Variants in NEK9 observed in about 807,000 individuals in gnomAD.
NEK9 encodes NIMA related kinase 9, also known as serine/threonine-protein kinase Nek9.
A neutral mutation model predicts 123.4 loss-of-function variants in NEK9; 75 were observed. The ratio of observed to expected loss-of-function variants is 0.61; its 90% confidence interval spans 0.50 to 0.74. The LOEUF (loss-of-function observed/expected upper bound fraction) is 0.74, where lower values mean the gene tolerates loss of function less well. Ranked by LOEUF, NEK9 falls within the 30% of genes least tolerant of loss-of-function variation. The pLI is 0.00. For synonymous variants in NEK9, 438 were observed against 458.7 expected (o/e 0.95, Z 0.58); for missense variants, 952 against 1,214.4 (o/e 0.78, Z 3.21).
intron 3 of NEK9, chr14:75,120,909 G>A (rs946497611): frequency 1.5e-6 from 1 of 654,354 alleles, no homozygotes; most frequent in Non-Finnish European, 2.8e-6. Flanking sequence ...AAAGCCCACA[G>A]AGAATCATGA....
At chr14:75,092,489 A>G (rs923274203) in intron 18 of NEK9, among the ~76,000 whole-genome samples, 1 of 147,240 alleles carries the variant, frequency 6.8e-6, no homozygotes, top group East Asian at 2.0e-4. Flanking sequence ...CTGGCCTTGA[A>G]TTCCTGACCT....
In NEK9 at chr14:75,124,064, C is replaced by T. The variant is rs767033306; in HGVS notation, c.379G>A (p.Glu127Lys). The T allele has an allele frequency of 6.8e-6, 11 of 1,612,554 alleles. No homozygotes were observed. Among genetic ancestry groups the T allele is most frequent in the Non-Finnish European group, 9.3e-6 (11 of 1,178,798 alleles). The change falls in exon 2 of 22, where the codon GAG (glutamate) becomes AAG (lysine). Residue 127 changes from glutamate (E) to lysine (K), a missense_variant. This residue lies in a region of NEK9 where 106 missense variants were observed against 153.0 expected (regional missense o/e 0.69). Coordinates refer to ENST00000238616, the MANE Select transcript of NEK9 (RefSeq NM_033116.6). The stretch of plus-strand genomic sequence containing the variant: ...ATCTTACCATTACAATATTCCAGCT[C>T]AATCAGCAGCGTGGTATTGTCCATG... ...HFMDNTTLLI[E>K]LEYCNGGNLY...
chr14:75,113,994 CACTT>C (rs1221159387), intron 7 of NEK9, among the ~76,000 whole-genome samples: 1 of 152,176 alleles, frequency 6.6e-6, no homozygotes, highest in African/African-American at 2.4e-5. Flanking sequence ...CACAAACTAA[CACTT>C]ACAAAACAGA....
chr14:75,101,628 G>T (rs1284230553), intron 15 of NEK9, 29 bp downstream of exon 15: 8 of 1,461,130 alleles, frequency 5.5e-6, no homozygotes, highest in African/African-American at 2.8e-5. Flanking sequence ...AGCTACTAAG[G>T]CATGTGATAC....
intron 7 of NEK9, among the ~76,000 whole-genome samples, chr14:75,113,934 T>A (rs557976020): frequency 2.3e-5 from 1 of 42,712 alleles, no homozygotes; most frequent in South Asian, 1.3e-3. Context: ...TATTCAGAAA[T>A]TACTCTTGGT....
intron 18 of NEK9, among the ~76,000 whole-genome samples, chr14:75,095,065 G>A (rs968124533): frequency 6.6e-6 from 1 of 152,062 alleles, no homozygotes; most frequent in Non-Finnish European, 1.5e-5. Flanking sequence ...TGGAAGTAGA[G>A]GACTCATTAC....
chr14:75,091,459 C>A lies in NEK9; in HGVS notation c.2253G>T (p.Pro751=), dbSNP rs201233187. ...CACCGCCGCCCCCGCCGCCTCCTCC[C>A]GGGCTAGAGCTCTGAAACACTGACA... ...SIGTVFQSSS[P]GGGGGGGGGE... is the part of the protein sequence containing the mutation. Residue 751 remains proline, a synonymous_variant, in exon 19 of 22, where the codon CCG becomes CCT. Transcript: ENST00000238616. 6.3e-7 allele frequency: 1 copy of A among 1,595,054 alleles called. No individual in the cohort carries two copies. The highest frequency in any genetic ancestry group is 8.5e-7 in the Non-Finnish European group (1 of 1,171,948).
intron 11 of NEK9, 22 bp from the exon 12 acceptor site, chr14:75,106,724 A>C: frequency 4.4e-6 from 7 of 1,592,330 alleles, no homozygotes; most frequent in Non-Finnish European, 6.0e-6. Context: ...AGGAAAACAG[A>C]ATCCATCAAA....
At position 75,107,333 on chromosome 14, in the gene NEK9, G is replaced by A. The variant is rs369559662; in HGVS notation, c.1327+10C>T. The stretch of plus-strand genomic sequence containing the variant: ...AAATGCACTTAAGACACTTTCTGCT[G>A]ATGGCTTACCAGTCACACAGACAGT... On this transcript the variant is annotated intron_variant, in intron 11 of 21. Transcript: ENST00000238616. The A allele has an allele frequency of 1.6e-5, 26 of 1,609,830 alleles. No homozygotes were observed. The highest frequency in any genetic ancestry group is 2.2e-5 in the Non-Finnish European group (26 of 1,178,502).
rs1893870297 is a variant in NEK9 at position 75,081,615 on chromosome 14, T to C, written c.*2949A>G. ...CCCTGAATTGTTCTATTATGAATGT[T>C]TGTGAACATATGGCAAGTGAAATGA... On this transcript the variant is annotated 3_prime_UTR_variant, in exon 22 of 22. Coordinates refer to ENST00000238616, the MANE Select transcript of NEK9 (RefSeq NM_033116.6). The surrounding 1 kb of genome is among the most constrained non-coding windows in gnomAD (Gnocchi z 4.2). 6.6e-6 allele frequency: 1 copy of C among 152,234 alleles called. No homozygotes were observed. The highest frequency in any genetic ancestry group is 1.5e-5 in the Non-Finnish European group (1 of 68,046). The allele number at this position is 152,234 out of a possible 1,614,324, so 9.4% of individuals were successfully genotyped here. A position where few individuals can be genotyped will look rare whatever the true frequency, so the allele number is the denominator to read the frequency against.
At chr14:75,093,868 T>C (rs1894296664) in intron 18 of NEK9, among the ~76,000 whole-genome samples, 1 of 152,236 alleles carries the variant, frequency 6.6e-6, no homozygotes, top group Admixed American at 6.5e-5. Context: ...CAATGGATGG[T>C]TATAACGCAT....
chr14:75,092,360 G>A (rs796851296), intron 18 of NEK9, among the ~76,000 whole-genome samples: 4 of 150,852 alleles, frequency 2.7e-5, no homozygotes, highest in African/African-American at 9.8e-5. Context: ...TCCGCCTCCT[G>A]GCTTCAAGTG....
chr14:75,095,521 C>T, intron 17 of NEK9, 90 bp from the exon 18 acceptor site: 3 of 775,960 alleles, frequency 3.9e-6, no homozygotes, highest in Non-Finnish European at 6.5e-6. Context: ...AATTGCTCTC[C>T]TTGACTCCAG....
At chr14:75,117,783 C>G (rs1895190216) in intron 5 of NEK9, among the ~76,000 whole-genome samples, 1 of 152,234 alleles carries the variant, frequency 6.6e-6, no homozygotes, top group South Asian at 2.1e-4. Flanking sequence ...AATTTGGCAT[C>G]TGTTATACTA....
At chr14:75,117,401 A>C in intron 5 of NEK9, 75 bp from the exon 6 acceptor site, 2 of 1,483,408 alleles carry the variant, frequency 1.3e-6, no homozygotes, top group Non-Finnish European at 1.8e-6. Flanking sequence ...CAGCTTAATT[A>C]AATTTCCTAG....
At position 75,106,444 on chromosome 14, in the gene NEK9, A is replaced by T. The variant is rs1203036715; in HGVS notation, c.1528+58T>A. 3.2e-6 allele frequency: 5 copies of T among 1,555,102 alleles called. No homozygotes were observed. In the South Asian group the frequency reaches 5.6e-5, roughly 17 times the overall value. On this transcript the variant is annotated intron_variant, in intron 12 of 21. Transcript: ENST00000238616. The stretch of plus-strand genomic sequence containing the variant: ...TGCATGATGGGTTTAGATGCATACA[A>T]CTTTGAAGTCAGGTTGTATACCTGT...
intron 21 of NEK9, chr14:75,084,931 G>A (rs1345894538): frequency 1.0e-5 from 4 of 396,172 alleles, no homozygotes; most frequent in Non-Finnish European, 1.4e-5. Context: ...CTGGGATGCA[G>A]AACTCTTAGT....
At chr14:75,107,232 T>C in intron 11 of NEK9, 111 bp downstream of exon 11, 1 of 1,157,962 alleles carries the variant, frequency 8.6e-7, no homozygotes, top group South Asian at 1.5e-5. Flanking sequence ...CAAGGTCCTC[T>C]GGTTCTTTGT....
chr14:75,100,742 A>C (rs1894547849), intron 16 of NEK9, among the ~76,000 whole-genome samples: 1 of 152,246 alleles, frequency 6.6e-6, no homozygotes, highest in Non-Finnish European at 1.5e-5. Flanking sequence ...TGAAAGCTGA[A>C]ATGAAAAAAG....
Sources: allele counts gnomAD v4.1 joint callset (sites outside exome capture counted in the v4.1 genomes callset), GRCh38; gene constraint gnomAD v4.1.1; regional missense constraint gnomAD v4.1.1; non-coding constraint Gnocchi (gnomAD v3.1); transcripts MANE v1.5; gene names NCBI Gene and HGNC (gene_info 2026-07-23, HGNC 2026-07-21).